CRIM1: variants seen among roughly 807,000 people sequenced by gnomAD.
CRIM1 encodes cysteine rich transmembrane BMP regulator 1.
A neutral mutation model predicts 116.4 loss-of-function variants in CRIM1; 32 were observed. The ratio of observed to expected loss-of-function variants is 0.27; its 90% confidence interval spans 0.21 to 0.37. CRIM1 has a LOEUF of 0.37. Among genes scored for constraint, CRIM1 ranks in the 10% least tolerant of loss-of-function variants. The pLI is 1.00. For synonymous variants in CRIM1, 590 were observed against 509.2 expected (o/e 1.16, Z -2.13); for missense variants, 1,331 against 1,354.8 (o/e 0.98, Z 0.28).
At chr2:36,398,109 G>C (rs1297569716) in intron 2 of CRIM1, among the ~76,000 whole-genome samples, 2 of 152,204 alleles carry the variant, frequency 1.3e-5, no homozygotes, top group African/African-American at 4.8e-5. Context: ...TATAGATGAC[G>C]TGATCACATG....
chr2:36,529,442 G>T, intron 13 of CRIM1: 1 of 214,190 alleles, frequency 4.7e-6, no homozygotes, highest in Non-Finnish European at 9.7e-6. Context: ...TCCTTATTTG[G>T]GCCACCTTGA....
chr2:36,439,737 ACTT>A lies in CRIM1; in HGVS notation c.506-1515_506-1513del, dbSNP rs564392191. On this transcript the variant is annotated intron_variant, in intron 2 of 16. Coordinates refer to ENST00000280527, the MANE Select transcript of CRIM1 (RefSeq NM_016441.3). Reference sequence around the variant, plus strand: ...TCTCACCACATTGTAACTGCTACCCACTTCTTCTAAGCATTCCAATTCCCTCTT... The same window carrying A: ...TCTCACCACATTGTAACTGCTACCCACTTCTAAGCATTCCAATTCCCTCTT... Among the ~76,000 whole-genome samples, 584 of 152,024 alleles carry A rather than the reference ACTT, an allele frequency of 3.8e-3. 2 individuals are homozygous for A. The highest frequency in any genetic ancestry group is 4.3e-3 in the Non-Finnish European group (291 of 67,944).
intron 7 of CRIM1, among the ~76,000 whole-genome samples, chr2:36,483,831 C>T (rs146633075): frequency 2.0e-5 from 3 of 152,190 alleles, no homozygotes; most frequent in African/African-American, 7.2e-5. Flanking sequence ...AGTGAGGGAG[C>T]AGACCCTGAT....
Position 36,513,671 on chromosome 2 carries a change from C to G in CRIM1, c.1896C>G (p.Leu632=). 13 of 1,614,220 alleles carry G rather than the reference C, an allele frequency of 8.1e-6. No individual in the cohort carries two copies. Among genetic ancestry groups the G allele is most frequent in the Non-Finnish European group, 1.0e-5 (12 of 1,180,034 alleles). The change falls in exon 11 of 17, where the codon CTC becomes CTG. Residue 632 remains leucine (L), a synonymous_variant. Transcript: ENST00000280527. ...WHDGCRECYC[L]NGREMCALIT... Reference sequence around the variant, plus strand: ...ATGGGTGCCGGGAATGCTACTGTCTCAATGGACGGGAAATGTGTGCCCTGA... The same window carrying G: ...ATGGGTGCCGGGAATGCTACTGTCTGAATGGACGGGAAATGTGTGCCCTGA...
At chr2:36,532,249 A>G (rs1666168911) in intron 13 of CRIM1, among the ~76,000 whole-genome samples, 1 of 152,222 alleles carries the variant, frequency 6.6e-6, no homozygotes, top group Non-Finnish European at 1.5e-5. Context: ...TACCAGGACT[A>G]CTTAGAAGGG....
At chr2:36,361,957 G>C (rs1231992068) in intron 1 of CRIM1, among the ~76,000 whole-genome samples, 3 of 152,124 alleles carry the variant, frequency 2.0e-5, no homozygotes. Flanking sequence ...CTGCAAAGCT[G>C]CATTTTCAAA....
chr2:36,415,896 G>A (rs1673578845), intron 2 of CRIM1, among the ~76,000 whole-genome samples: 1 of 152,164 alleles, frequency 6.6e-6, no homozygotes, highest in Admixed American at 6.5e-5. Context: ...GTTAATGAGT[G>A]TCTGATGATT....
chr2:36,369,771 A>T (rs905193341), intron 1 of CRIM1, among the ~76,000 whole-genome samples: 4 of 152,214 alleles, frequency 2.6e-5, no homozygotes, highest in African/African-American at 9.6e-5. Flanking sequence ...AGGGTAGTGA[A>T]CTATTTCTGT....
chr2:36,447,315 C>A (rs1676321612), intron 4 of CRIM1, among the ~76,000 whole-genome samples: 1 of 152,112 alleles, frequency 6.6e-6, no homozygotes, highest in Non-Finnish European at 1.5e-5. Flanking sequence ...TTTTTAAGTC[C>A]AAGAAATATA....
At chr2:36,488,218 A>C (rs1458776542) in intron 7 of CRIM1, among the ~76,000 whole-genome samples, 2 of 152,222 alleles carry the variant, frequency 1.3e-5, no homozygotes, top group Non-Finnish European at 2.9e-5. Flanking sequence ...ACAGTGTCAC[A>C]CAAGCATATA....
At chr2:36,521,690 T>G (rs946998907) in intron 12 of CRIM1, among the ~76,000 whole-genome samples, 3 of 152,162 alleles carry the variant, frequency 2.0e-5, no homozygotes, top group Non-Finnish European at 4.4e-5. Flanking sequence ...AGAAATCCCT[T>G]CGTTAGCCAT....
chr2:36,496,226 A>G (rs2125078956), intron 7 of CRIM1, among the ~76,000 whole-genome samples: 1 of 152,336 alleles, frequency 6.6e-6, no homozygotes, highest in East Asian at 1.9e-4. Context: ...ATGAGATGCC[A>G]AGTGTTAAAA....
intron 14 of CRIM1, among the ~76,000 whole-genome samples, chr2:36,543,913 GAGGAAATGGCCA>G (rs1166914145): frequency 6.6e-6 from 1 of 152,154 alleles, no homozygotes; most frequent in Non-Finnish European, 1.5e-5. Flanking sequence ...AGAGAAAGGA[GAGGAAATGGCCA>G]AGAAGTCCAT....
intron 13 of CRIM1, among the ~76,000 whole-genome samples, chr2:36,523,530 G>C (rs755816143): frequency 6.6e-6 from 1 of 152,202 alleles, no homozygotes; most frequent in Non-Finnish European, 1.5e-5. Flanking sequence ...AGGACAGCCC[G>C]TGTTCCCTGG....
At chr2:36,483,673 T>G (rs951262586) in intron 7 of CRIM1, among the ~76,000 whole-genome samples, 1 of 152,196 alleles carries the variant, frequency 6.6e-6, no homozygotes, top group Non-Finnish European at 1.5e-5. Flanking sequence ...TGGCATATTC[T>G]TTTGAATCCC....
intron 5 of CRIM1, among the ~76,000 whole-genome samples, chr2:36,465,925 G>A (rs974134634): frequency 1.5e-4 from 23 of 148,830 alleles, no homozygotes; most frequent in African/African-American, 4.5e-4. Flanking sequence ...TCGCCCTGTC[G>A]CCCAGGCTGG....
chr2:36,415,958 A>G (rs1433490506), intron 2 of CRIM1, among the ~76,000 whole-genome samples: 1 of 152,264 alleles, frequency 6.6e-6, no homozygotes, highest in Non-Finnish European at 1.5e-5. Flanking sequence ...CTGTAATCCC[A>G]GCACTTTGGG....
Position 36,509,987 on chromosome 2 carries a change from G to T in CRIM1, c.1506G>T (p.Glu502Asp). 6.2e-7 allele frequency: 1 copy of T among 1,613,488 alleles called. No homozygotes were observed. Residue 502 changes from glutamate to aspartate, a missense_variant, in exon 9 of 17, where the codon GAG becomes GAT. Glu to Asp is a conservative substitution (Grantham distance 45). This residue lies in a region of CRIM1 where 690 missense variants were observed against 676.0 expected (regional missense o/e 1.02). Transcript: ENST00000280527. ...GCCGTCTCTGTGTCTTCACAGCCGAGGAACTATGTTCAGAACGTAAACAAG... is the reference window on the plus strand; with the variant it reads ...GCCGTCTCTGTGTCTTCACAGCCGATGAACTATGTTCAGAACGTAAACAAG... ...GCRTCQCINT[E>D]ELCSERKQGC...
rs773899982 is a variant in CRIM1 at position 36,477,038 on chromosome 2, G to A, written c.1141G>A (p.Val381Met). The A allele has an allele frequency of 6.2e-6, 10 of 1,613,328 alleles. No individual in the cohort carries two copies. The highest frequency in any genetic ancestry group is 1.6e-4 in the Middle Eastern group (1 of 6,080). The change falls in exon 6 of 17, where the codon GTG becomes ATG. Residue 381 changes from valine (V) to methionine (M), a missense_variant. Val to Met is a conservative substitution (Grantham distance 21). Transcript: ENST00000280527. ...CGEINCERYY[V>M]PEGECCPVCE... is the part of the protein sequence containing the mutation. ...TGAGATAAACTGCGAGAGGTACTACGTGCCCGAAGGAGAGTGCTGCCCAGT... is the reference window on the plus strand; with the variant it reads ...TGAGATAAACTGCGAGAGGTACTACATGCCCGAAGGAGAGTGCTGCCCAGT...
Sources: gnomAD v4.1 joint callset for allele counts (sites outside exome capture counted in the v4.1 genomes callset) on GRCh38, gnomAD v4.1.1 for gene constraint, gnomAD v4.1.1 regional missense constraint, MANE v1.5 for transcripts, NCBI Gene and HGNC (gene_info 2026-07-23, HGNC 2026-07-21) for gene names.